ABCC1: variants seen among roughly 807,000 people sequenced by gnomAD.
ABCC1 encodes ATP binding cassette subfamily C member 1 (ABCC1 blood group).
In ABCC1, 83 loss-of-function variants were observed where a neutral mutation model predicts 172.9. The observed-to-expected ratio is 0.48, with a 90% CI of 0.40 to 0.58. The LOEUF (loss-of-function observed/expected upper bound fraction) is 0.58, where lower values mean the gene tolerates loss of function less well. ABCC1 is among the 20% of genes least tolerant of loss of function. ABCC1 has a pLI of 0.00. For missense variants in ABCC1, 1,817 were observed against 2,002.7 expected (o/e 0.91, Z 1.77); for synonymous variants, 937 against 825.2 (o/e 1.14, Z -2.32).
chr16:16,136,407 C>T, intron 28 of ABCC1, 71 bp from the exon 29 acceptor site: 1 of 1,555,708 alleles, frequency 6.4e-7, no homozygotes, highest in Non-Finnish European at 8.7e-7. Context: ...GCCAGAAGTC[C>T]TTAGGTCGCC....
intron 7 of ABCC1, among the ~76,000 whole-genome samples, chr16:16,040,449 G>A (rs999514202): frequency 2.6e-5 from 4 of 151,580 alleles, no homozygotes. Flanking sequence ...CACCATGCCC[G>A]GCTAATTGTG....
chr16:15,987,864 C>T (rs1294465542), intron 1 of ABCC1, among the ~76,000 whole-genome samples: 13 of 152,202 alleles, frequency 8.5e-5, no homozygotes, highest in Admixed American at 6.5e-4. Context: ...GGTCTGACTT[C>T]AGGACCTTTG....
chr16:16,006,877 C>CGGTGATGGTGGTGGTGATGGT (rs1458953962), intron 1 of ABCC1, among the ~76,000 whole-genome samples: 1 of 149,392 alleles, frequency 6.7e-6, no homozygotes, highest in Non-Finnish European at 1.5e-5. Context: ...GTGGCGGTGG[C>CGGTGATGGTGGTGGTGATGGT]GGTGATGGTG....
At chr16:16,117,657 C>G (rs59641478) in intron 23 of ABCC1, among the ~76,000 whole-genome samples, 17,016 of 152,222 alleles carry the variant, frequency 0.11, 2,300 homozygotes, top group African/African-American at 0.32. Context: ...TGTAACCCTA[C>G]CCCTTTGGGA....
chr16:16,106,420 A>C (rs1320912642), intron 20 of ABCC1: 1 of 192,572 alleles, frequency 5.2e-6, no homozygotes, highest in African/African-American at 2.3e-5. Flanking sequence ...ATCTCAGAAA[A>C]AAAAAAAAAA....
rs77260535 is a variant in ABCC1 at position 16,097,582 on chromosome 16, T to C, written c.2645-5045T>C. ...GCCGGAGGGCTTTGGATGTTTACAC[T>C]GCAGATAAATACCTCAGACTAGGAG... On this transcript the variant is annotated intron_variant, in intron 19 of 30. Coordinates refer to ENST00000399410, the MANE Select transcript of ABCC1 (RefSeq NM_004996.4). Among the ~76,000 whole-genome samples the C allele has an allele frequency of 6.4e-3, 972 of 152,338 alleles. 7 individuals are homozygous for C. Among genetic ancestry groups the C allele is most frequent in the African/African-American group, 0.022 (926 of 41,576 alleles).
chr16:16,088,374 C>T (rs755290566), intron 18 of ABCC1, among the ~76,000 whole-genome samples: 5 of 152,064 alleles, frequency 3.3e-5, no homozygotes, highest in South Asian at 2.1e-4. Flanking sequence ...GAACCCGGGA[C>T]GTGGAGGTTG....
intron 5 of ABCC1, among the ~76,000 whole-genome samples, chr16:16,032,833 T>G (rs1232303109): frequency 2.6e-5 from 4 of 152,114 alleles, no homozygotes; most frequent in African/African-American, 9.7e-5. Flanking sequence ...CTCCTAGGGT[T>G]GTTGTGGGGA....
At chr16:15,953,562 G>C (rs1042775350) in intron 1 of ABCC1, among the ~76,000 whole-genome samples, 9 of 152,124 alleles carry the variant, frequency 5.9e-5, no homozygotes, top group African/African-American at 1.9e-4. Flanking sequence ...CCTTAGCAAG[G>C]ACTTAAAATG....
At chr16:15,985,817 G>A (rs1042296576) in intron 1 of ABCC1, among the ~76,000 whole-genome samples, 2 of 151,922 alleles carry the variant, frequency 1.3e-5, no homozygotes, top group African/African-American at 4.8e-5. Flanking sequence ...TCTAGTTCTC[G>A]GGAGTCAGAG....
intron 1 of ABCC1, among the ~76,000 whole-genome samples, chr16:15,982,886 A>G (rs2046658782): frequency 6.6e-6 from 1 of 150,730 alleles, no homozygotes; most frequent in African/African-American, 2.4e-5. Flanking sequence ...TTTGGCCCAC[A>G]GGCTGTGGTT....
At chr16:16,009,990 T>G in intron 3 of ABCC1, 89 bp downstream of exon 3, 1 of 1,099,006 alleles carries the variant, frequency 9.1e-7, no homozygotes, top group Non-Finnish European at 1.2e-6. Context: ...AATCATAGTT[T>G]TTTAAGGCAA....
intron 1 of ABCC1, among the ~76,000 whole-genome samples, chr16:16,001,232 GA>G (rs1327158516): frequency 7.9e-5 from 12 of 152,094 alleles, no homozygotes; most frequent in African/African-American, 2.4e-4. Flanking sequence ...TATGTTTTGA[GA>G]TGGAGTCTCG....
chr16:15,973,601 A>G (rs753696761), intron 1 of ABCC1, among the ~76,000 whole-genome samples: 28 of 152,126 alleles, frequency 1.8e-4, no homozygotes, highest in Non-Finnish European at 3.1e-4. Context: ...ACTATCAGCA[A>G]TGGTGTAGCC....
intron 1 of ABCC1, among the ~76,000 whole-genome samples, chr16:15,991,809 C>A (rs1008748770): frequency 6.6e-6 from 1 of 152,120 alleles, no homozygotes; most frequent in African/African-American, 2.4e-5. Context: ...TTCTCTGTCA[C>A]CCCTTTCGTT....
At chr16:16,141,036 G>A in intron 30 of ABCC1, 137 bp from the exon 31 acceptor site, 1 of 680,274 alleles carries the variant, frequency 1.5e-6, no homozygotes, top group African/African-American at 1.8e-5. Flanking sequence ...GCAACCAGCT[G>A]GAAGGTACTG....
At chr16:15,953,888 C>T (rs1005364303) in intron 1 of ABCC1, among the ~76,000 whole-genome samples, 8 of 152,158 alleles carry the variant, frequency 5.3e-5, no homozygotes, top group African/African-American at 1.9e-4. Context: ...TTTAATTCTT[C>T]CCCTTGGCTC....
intron 1 of ABCC1, among the ~76,000 whole-genome samples, chr16:15,961,275 C>T (rs189549874): frequency 5.1e-4 from 78 of 152,216 alleles, no homozygotes; most frequent in African/African-American, 1.7e-3. Context: ...TTTGATTCTC[C>T]GCCAAAGGCT....
At chr16:16,078,739 C>G (rs542104785) in intron 15 of ABCC1, among the ~76,000 whole-genome samples, 1 of 152,172 alleles carries the variant, frequency 6.6e-6, no homozygotes, top group Non-Finnish European at 1.5e-5. Context: ...TGCAGTGGCA[C>G]GATCTCAGCT....
Sources: gnomAD v4.1 joint callset for allele counts (sites outside exome capture counted in the v4.1 genomes callset) on GRCh38, gnomAD v4.1.1 for gene constraint, MANE v1.5 for transcripts, NCBI Gene and HGNC (gene_info 2026-07-23, HGNC 2026-07-21) for gene names.